The following KHDRBS2 variants were observed in gnomAD, a reference collection of about 807,000 sequenced individuals.
KHDRBS2 encodes KH domain-containing, RNA-binding, signal transduction-associated protein 2.
KHDRBS2 carries 26 observed loss-of-function variants against 44.3 expected under a neutral mutation model. The ratio of observed to expected loss-of-function variants is 0.59; its 90% CI spans 0.43 to 0.81. The LOEUF (loss-of-function observed/expected upper bound fraction) is 0.81. Ranked by LOEUF, KHDRBS2 falls within the 40% of genes least tolerant of loss-of-function variation. KHDRBS2 has a pLI of 0.00. For synonymous variants in KHDRBS2, 194 were observed against 151.1 expected, an observed-to-expected ratio of 1.28 and a Z score of -2.08; for missense variants, 476 against 433.1, an observed-to-expected ratio of 1.10 and a Z score of -0.88.
intron 4 of KHDRBS2, among the ~76,000 whole-genome samples, chr6:61,911,142 G>A (rs1181432401): frequency 1.3e-5 from 2 of 152,116 alleles, no homozygotes; most frequent in Admixed American, 1.3e-4. Flanking sequence ...TAGGATATAG[G>A]TCCCGTGGGT....
At chr6:61,909,482 T>C (rs755926771) in intron 4 of KHDRBS2, among the ~76,000 whole-genome samples, 9 of 152,324 alleles carry the variant, frequency 5.9e-5, no homozygotes, top group Non-Finnish European at 1.2e-4. Flanking sequence ...TTTGAAGTAA[T>C]AGCAAAGATA....
chr6:61,673,064 T>A, the KHDRBS2 span, among the ~76,000 whole-genome samples: 1 of 151,564 alleles, frequency 6.6e-6, no homozygotes, highest in Non-Finnish European at 1.5e-5. Context: ...TTTCTACATA[T>A]GGCTAGCCAG....
chr6:61,879,388 AGC>A (rs929686027), intron 6 of KHDRBS2, among the ~76,000 whole-genome samples: 1 of 151,920 alleles, frequency 6.6e-6, no homozygotes, highest in Non-Finnish European at 1.5e-5. Context: ...TCCTTTTTAA[AGC>A]CATGGACTCT....
intron 2 of KHDRBS2, among the ~76,000 whole-genome samples, chr6:62,161,855 C>G: frequency 6.6e-6 from 1 of 152,094 alleles, no homozygotes; most frequent in South Asian, 2.1e-4. Flanking sequence ...TTATAACACT[C>G]TAATTTGAAT....
chr6:61,644,690 A>G, the KHDRBS2 span, among the ~76,000 whole-genome samples: 20 of 152,336 alleles, frequency 1.3e-4, no homozygotes, highest in African/African-American at 4.6e-4. Context: ...CATGTGGCCA[A>G]CAAGCATATG....
At chr6:62,218,741 T>C (rs145036531) in intron 1 of KHDRBS2, among the ~76,000 whole-genome samples, 1 of 152,010 alleles carries the variant, frequency 6.6e-6, no homozygotes, top group East Asian at 1.9e-4. Context: ...CACAACACTG[T>C]TCACAGTAGC....
At chr6:61,848,503 A>ACG (rs1562294000) in intron 6 of KHDRBS2, among the ~76,000 whole-genome samples, 2 of 59,084 alleles carry the variant, frequency 3.4e-5, no homozygotes, top group East Asian at 4.0e-4. Flanking sequence ...ATATATATAT[A>ACG]TATATATGTA....
the KHDRBS2 span, among the ~76,000 whole-genome samples, chr6:61,652,603 A>G: frequency 3.3e-5 from 5 of 152,106 alleles, no homozygotes; most frequent in Non-Finnish European, 7.4e-5. Context: ...CTAGAAGGGC[A>G]ACAGTGAGTC....
intron 2 of KHDRBS2, among the ~76,000 whole-genome samples, chr6:62,125,216 G>C (rs898052284): frequency 6.6e-6 from 1 of 152,156 alleles, no homozygotes; most frequent in African/African-American, 2.4e-5. Context: ...GCTTGCGAGA[G>C]GAAGAGGGCA....
intron 7 of KHDRBS2, among the ~76,000 whole-genome samples, chr6:61,731,162 C>T (rs1202223778): frequency 6.6e-6 from 1 of 151,992 alleles, no homozygotes; most frequent in East Asian, 1.9e-4. Context: ...GATAAACTAA[C>T]AATTTGATTG....
rs1233677267 is a variant in KHDRBS2 at position 61,755,576 on chromosome 6, C to T, written c.811-22812G>A. On this transcript the variant is annotated intron_variant, in intron 6 of 8. Coordinates refer to ENST00000281156, the MANE Select transcript of KHDRBS2 (RefSeq NM_152688.4). ...TCTATAATCCCAGCACTTTAGGAGG[C>T]TGAGATGGGCGGGTCATGGGGTCAG... Among the ~76,000 whole-genome samples the T allele has an allele frequency of 5.9e-5, 9 of 151,968 alleles. No homozygotes were observed. The East Asian group carries it at 1.4e-3, about 23-fold the overall frequency.
At chr6:61,924,613 A>G (rs1808632779) in intron 4 of KHDRBS2, among the ~76,000 whole-genome samples, 1 of 151,870 alleles carries the variant, frequency 6.6e-6, no homozygotes, top group Non-Finnish European at 1.5e-5. Context: ...TTATCATTGT[A>G]TAGATAATAT....
At chr6:61,845,172 C>T (rs1794195530) in intron 6 of KHDRBS2, among the ~76,000 whole-genome samples, 1 of 152,100 alleles carries the variant, frequency 6.6e-6, no homozygotes, top group Non-Finnish European at 1.5e-5. Flanking sequence ...TATGAGTTCA[C>T]ACTTGTAAAA....
chr6:62,040,528 G>A (rs2127299182), intron 3 of KHDRBS2, among the ~76,000 whole-genome samples: 1 of 152,120 alleles, frequency 6.6e-6, no homozygotes, highest in South Asian at 2.1e-4. Flanking sequence ...CCATAGATAG[G>A]AAGACTTGAG....
chr6:62,283,598 C>T (rs2150198515), intron 1 of KHDRBS2, among the ~76,000 whole-genome samples: 1 of 152,202 alleles, frequency 6.6e-6, no homozygotes, highest in East Asian at 1.9e-4. Context: ...GGTTTATTTA[C>T]AGCCACTCCC....
chr6:61,797,381 C>G (rs1381361906), intron 6 of KHDRBS2, among the ~76,000 whole-genome samples: 1 of 151,996 alleles, frequency 6.6e-6, no homozygotes, highest in Non-Finnish European at 1.5e-5. Context: ...ATCTTTACAC[C>G]AAAGATCACA....
chr6:62,194,499 T>TCC (rs1825260460), intron 1 of KHDRBS2, among the ~76,000 whole-genome samples: 5 of 30,988 alleles, frequency 1.6e-4, no homozygotes, highest in African/African-American at 2.8e-4. Flanking sequence ...TTTTTTTTTT[T>TCC]TTTTTTTTTT....
rs973775316 is a variant in KHDRBS2, at chr6:61,844,911, C to T, written c.810+49724G>A. On this transcript the variant is annotated intron_variant, in intron 6 of 8. Transcript: ENST00000281156. ...ACTTGATCTCTGTTCAGTTAATATT[C>T]GCTGAATTAAATTAATCAACAGATG... 1.4e-4 allele frequency among the ~76,000 whole-genome samples: 22 copies of T among 152,082 alleles called. No individual in the cohort carries two copies. In the East Asian group the frequency reaches 1.7e-3, roughly 12 times the overall value.
rs143265305 is a variant in KHDRBS2 at position 62,132,234 on chromosome 6, A to C, written c.219+44951T>G. Among the ~76,000 whole-genome samples the C allele has an allele frequency of 2.5e-3, 376 of 152,274 alleles. 3 individuals carry two copies. The highest frequency in any genetic ancestry group is 8.3e-3 in the African/African-American group (344 of 41,552). On this transcript the variant is annotated intron_variant, in intron 2 of 8. Coordinates refer to ENST00000281156, the MANE Select transcript of KHDRBS2 (RefSeq NM_152688.4). ...GTATATTTAAACCTTATTTTGCTTA[A>C]ATGATTAATCTGTCAGCTAAGTCAT... is the stretch of plus-strand genomic sequence containing the variant.
Sources: gnomAD v4.1 joint callset for allele counts (sites outside exome capture counted in the v4.1 genomes callset) on GRCh38, gnomAD v4.1.1 for gene constraint, MANE v1.5 for transcripts, NCBI Gene and HGNC (gene_info 2026-07-23, HGNC 2026-07-21) for gene names.